The following KDELR2 variants were observed in gnomAD, a reference collection of about 807,000 sequenced individuals.
KDELR2 encodes KDEL endoplasmic reticulum protein retention receptor 2, also known as ER lumen protein-retaining receptor 2.
A neutral mutation model predicts 23.9 loss-of-function variants in KDELR2; 15 were observed. The ratio of observed to expected loss-of-function variants is 0.63; its 90% confidence interval spans 0.42 to 0.97. The LOEUF (loss-of-function observed/expected upper bound fraction) is 0.97, where lower values mean the gene tolerates loss of function less well. Ranked by LOEUF, KDELR2 falls within the 50% of genes least tolerant of loss-of-function variation. The probability of loss-of-function intolerance (pLI) is 0.00; values close to 1 mark genes in which losing one functional copy is unlikely to be tolerated. For missense variants in KDELR2, 272 were observed against 254.6 expected (o/e 1.07, Z -0.46); for synonymous variants, 119 against 106.2 (o/e 1.12, Z -0.74).
At chr7:6,481,282 T>C (rs1025181656) in intron 1 of KDELR2, among the ~76,000 whole-genome samples, 3 of 150,956 alleles carry the variant, frequency 2.0e-5, no homozygotes, top group African/African-American at 7.3e-5. Flanking sequence ...GGAGAATCGC[T>C]TGAACCCGGG....
rs1785397342 is a variant in KDELR2 at position 6,461,971 on chromosome 7, A to C, written c.*1170T>G. 6.6e-6 allele frequency: 1 copy of C among 152,204 alleles called. No homozygotes were observed. The highest frequency in any genetic ancestry group is 1.9e-4 in the East Asian group (1 of 5,208). The allele number at this position is 152,204 out of a possible 1,614,324, so 9.4% of individuals were successfully genotyped here. On this transcript the variant is annotated 3_prime_UTR_variant, in exon 5 of 5. Transcript: ENST00000258739. ...GCTTTTGTTGCCAATTGAAAAACAA[A>C]AAAATCCCAACACAGGATGTTCAAA...
Position 6,469,608 on chromosome 7 carries a change from G to T in KDELR2, c.339C>A (p.Phe113Leu). The T allele has an allele frequency of 6.2e-7, 1 of 1,613,936 alleles. No individual in the cohort carries two copies. The highest frequency in any genetic ancestry group is 8.5e-7 in the Non-Finnish European group (1 of 1,179,974). ...GGLSFLVNHDFSPLEILWTFS... is the reference protein window; with the variant it reads ...GGLSFLVNHDLSPLEILWTFS... Reference sequence around the variant, plus strand: ...CTTTTAAACTAACCTCAAGAGGAGAGAAATCGTGATTAACTAAAAATGAGA... The same window carrying T: ...CTTTTAAACTAACCTCAAGAGGAGATAAATCGTGATTAACTAAAAATGAGA... The change falls in exon 3 of 5, where the codon TTC becomes TTA. Residue 113 changes from phenylalanine (F) to leucine (L), a missense_variant. By Grantham distance (22) the Phe-to-Leu change is conservative. Coordinates refer to ENST00000258739, the MANE Select transcript of KDELR2 (RefSeq NM_006854.4).
chr7:6,476,404 C>T (rs12702514), intron 1 of KDELR2, among the ~76,000 whole-genome samples: 52,683 of 151,970 alleles, frequency 0.35, 10,025 homozygotes, highest in Middle Eastern at 0.46. Flanking sequence ...ACCAAGAAAC[C>T]GGGAGGTTTC....
At position 6,466,082 on chromosome 7, in the gene KDELR2, T is replaced by C; in HGVS notation, c.593A>G (p.Tyr198Cys). 1 of 1,614,080 alleles carries C rather than the reference T, an allele frequency of 6.2e-7. No homozygotes were observed. Among genetic ancestry groups the C allele is most frequent in the Non-Finnish European group, 8.5e-7 (1 of 1,180,014 alleles). Residue 198 changes from tyrosine (Y) to cysteine (C), a missense_variant, in exon 4 of 5, where the codon TAC becomes TGC. Transcript: ENST00000258739. ...CGCACCCAACATACCTTTTGTAATG[T>C]ACAAGTAGAAGAAGTCACAGTATAG... is the stretch of plus-strand genomic sequence containing the variant. The part of the protein sequence containing the change: ...TILYCDFFYL[Y>C]ITKVLKGKKL...
At position 6,478,946 on chromosome 7, in the gene KDELR2, G is replaced by A. The variant is rs117589599; in HGVS notation, c.92-4662C>T. On this transcript the variant is annotated intron_variant, in intron 1 of 4. Transcript: ENST00000258739. ...TGGGACTACAGGTGCCTGCCACCAC[G>A]CCCGGGTAACTTTTTTGTAATTTTA... Among the ~76,000 whole-genome samples, 61 of 151,856 alleles carry A rather than the reference G, an allele frequency of 4.0e-4. No individual in the cohort carries two copies. In the East Asian group the frequency reaches 0.01, roughly 26 times the overall value.
At position 6,462,662 on chromosome 7, in the gene KDELR2, T is replaced by A. The variant is rs2115319703; in HGVS notation, c.*479A>T. ...ATCCAATTGAACATAGTGTCTCAGATTTCAAACAAATACAGCTCATCTTTT... is the reference window on the plus strand; with the variant it reads ...ATCCAATTGAACATAGTGTCTCAGAATTCAAACAAATACAGCTCATCTTTT... On this transcript the variant is annotated 3_prime_UTR_variant, in exon 5 of 5. Coordinates refer to ENST00000258739, the MANE Select transcript of KDELR2 (RefSeq NM_006854.4). 4.0e-6 allele frequency: 1 copy of A among 249,942 alleles called. No individual in the cohort carries two copies. Among genetic ancestry groups the A allele is most frequent in the Non-Finnish European group, 7.6e-6 (1 of 130,924 alleles). 15.5% of individuals were successfully genotyped at this position (249,942 alleles called of 1,614,324 possible). A position where few individuals can be genotyped will look rare whatever the true frequency, so the allele number is the denominator to read the frequency against.
chr7:6,467,164 C>A (rs1050803955), intron 3 of KDELR2, among the ~76,000 whole-genome samples: 4 of 152,192 alleles, frequency 2.6e-5, no homozygotes, highest in African/African-American at 9.7e-5. Context: ...ACAGAGGTTT[C>A]TCCTGGACAA....
chr7:6,483,172 G>T (rs1028694072), intron 1 of KDELR2, among the ~76,000 whole-genome samples: 2 of 152,168 alleles, frequency 1.3e-5, no homozygotes, highest in African/African-American at 4.8e-5. Context: ...CACTGGTGAC[G>T]TGGAGCAACG....
At chr7:6,473,732 T>C (rs1263954897) in intron 2 of KDELR2, among the ~76,000 whole-genome samples, 1 of 152,164 alleles carries the variant, frequency 6.6e-6, no homozygotes, top group African/African-American at 2.4e-5. Flanking sequence ...AGAAAAAAGA[T>C]AGAAGCCTAT....
At chr7:6,469,539 G>T (rs1294139438) in intron 3 of KDELR2, 57 bp downstream of exon 3, 4 of 1,543,772 alleles carry the variant, frequency 2.6e-6, no homozygotes, top group Non-Finnish European at 3.5e-6. Flanking sequence ...CTCCCAAAAT[G>T]CTGGGATTAC....
chr7:6,475,061 C>G (rs1342303550), intron 1 of KDELR2, among the ~76,000 whole-genome samples: 1 of 152,142 alleles, frequency 6.6e-6, no homozygotes, highest in African/African-American at 2.4e-5. Context: ...AAGAGTTGGG[C>G]AGGAACTCCC....
chr7:6,473,228 T>A (rs1785690346), intron 2 of KDELR2, among the ~76,000 whole-genome samples: 1 of 151,870 alleles, frequency 6.6e-6, no homozygotes, highest in African/African-American at 2.4e-5. Flanking sequence ...TGTTTCATGT[T>A]TTTTATATCC....
At position 6,462,760 on chromosome 7, in the gene KDELR2, T is replaced by C. The variant is rs1266287228; in HGVS notation, c.*381A>G. ...ATATAATCTATCAACTGTCAAGGAG[T>C]ACAATTTCATTGCAGACACAAAGAC... On this transcript the variant is annotated 3_prime_UTR_variant, in exon 5 of 5. Coordinates refer to ENST00000258739, the MANE Select transcript of KDELR2 (RefSeq NM_006854.4). 2.1e-6 allele frequency: 1 copy of C among 482,348 alleles called. No individual in the cohort carries two copies. The highest frequency in any genetic ancestry group is 3.6e-6 in the Non-Finnish European group (1 of 275,944). 29.9% of individuals were successfully genotyped at this position (482,348 alleles called of 1,614,324 possible).
intron 2 of KDELR2, 156 bp downstream of exon 2, chr7:6,474,028 T>C (rs890702151): frequency 1.9e-6 from 1 of 522,560 alleles, no homozygotes; most frequent in Non-Finnish European, 3.4e-6. Context: ...CCCAGTTATA[T>C]ATACAAGGTG....
At chr7:6,472,175 C>T (rs929479442) in intron 2 of KDELR2, among the ~76,000 whole-genome samples, 8 of 152,166 alleles carry the variant, frequency 5.3e-5, no homozygotes, top group Non-Finnish European at 1.2e-4. Flanking sequence ...ACAAGACACA[C>T]ATCCATCTAC....
intron 4 of KDELR2, 45 bp from the exon 5 acceptor site, chr7:6,463,220 T>C (rs750473295): frequency 3.6e-5 from 55 of 1,508,090 alleles, no homozygotes; most frequent in Non-Finnish European, 4.8e-5. Context: ...GTTACTGATA[T>C]TGACAAACTT....
At chr7:6,475,417 C>A (rs1012144836) in intron 1 of KDELR2, among the ~76,000 whole-genome samples, 4 of 152,068 alleles carry the variant, frequency 2.6e-5, no homozygotes, top group African/African-American at 9.7e-5. Flanking sequence ...CAGAGCAAGA[C>A]CCTGTCTCAA....
intron 1 of KDELR2, among the ~76,000 whole-genome samples, chr7:6,478,413 G>A (rs544629178): frequency 2.9e-4 from 44 of 152,122 alleles, no homozygotes; most frequent in African/African-American, 9.6e-4. Flanking sequence ...CTCCCAAAGC[G>A]CTGCCACCAC....
At chr7:6,482,034 C>T (rs1231889896) in intron 1 of KDELR2, among the ~76,000 whole-genome samples, 6 of 150,884 alleles carry the variant, frequency 4.0e-5, no homozygotes, top group African/African-American at 1.5e-4. Context: ...GACGGTTTCG[C>T]TCTCGTTGCC....
Sources: gnomAD v4.1 joint callset for allele counts (sites outside exome capture counted in the v4.1 genomes callset) on GRCh38, gnomAD v4.1.1 for gene constraint, MANE v1.5 for transcripts, NCBI Gene and HGNC (gene_info 2026-07-23, HGNC 2026-07-21) for gene names.